The following ROBO2 variants were observed in gnomAD, a reference collection of about 807,000 sequenced individuals.
ROBO2 encodes the protein roundabout guidance receptor 2.
ROBO2 carries 53 observed loss-of-function variants against 160.8 expected under a neutral mutation model. The ratio of observed to expected loss-of-function variants is 0.33; its 90% confidence interval spans 0.26 to 0.41. ROBO2 has a LOEUF of 0.41. ROBO2 is among the 10% of genes least tolerant of loss of function. The pLI, the probability that ROBO2 is intolerant of heterozygous loss-of-function variation, is 1.00. For synonymous variants in ROBO2, 664 were observed against 611.7 expected (o/e 1.09, Z -1.26); for missense variants, 1,577 against 1,722.4 (o/e 0.92, Z 1.49).
chr3:76,087,931 G>A (rs188695164), intron 2 of ROBO2, among the ~76,000 whole-genome samples: 20 of 152,180 alleles, frequency 1.3e-4, no homozygotes, highest in African/African-American at 4.1e-4. Context: ...GACAAAGATT[G>A]TAAGAATGGA....
At position 77,239,944 on chromosome 3, in the gene ROBO2, G is replaced by A. The variant is rs984093874; in HGVS notation, c.388+141604G>A. On this transcript the variant is annotated intron_variant, in intron 2 of 25. Transcript: ENST00000461745. The stretch of plus-strand genomic sequence containing the variant: ...CCAGGAATCCCAAGCTAGACACAGA[G>A]TGCTGATTGGTGCATATACAATCCT... Among the ~76,000 whole-genome samples the A allele has an allele frequency of 3.3e-5, 5 of 152,290 alleles. No homozygotes were observed. The South Asian group carries it at 1.0e-3, about 32-fold the overall frequency.
chr3:77,363,522 C>T (rs1170355876), intron 2 of ROBO2, among the ~76,000 whole-genome samples: 1 of 152,112 alleles, frequency 6.6e-6, no homozygotes, highest in Non-Finnish European at 1.5e-5. Flanking sequence ...CAAGAGCCTT[C>T]AAAAATGAAG....
chr3:77,528,717 G>A (rs1022963924), intron 6 of ROBO2, among the ~76,000 whole-genome samples: 6 of 151,638 alleles, frequency 4.0e-5, no homozygotes, highest in Admixed American at 6.6e-5. Context: ...GGTAGCTATC[G>A]TATGCCTAGT....
intron 2 of ROBO2, among the ~76,000 whole-genome samples, chr3:77,135,408 A>T (rs935910461): frequency 3.3e-5 from 5 of 151,198 alleles, no homozygotes; most frequent in Non-Finnish European, 5.9e-5. Context: ...AATTTAATTA[A>T]TTTTTTTTTA....
At chr3:76,378,840 G>C (rs1305526204) in intron 2 of ROBO2, among the ~76,000 whole-genome samples, 2 of 152,156 alleles carry the variant, frequency 1.3e-5, no homozygotes, top group South Asian at 4.1e-4. Flanking sequence ...TGCTTGACAC[G>C]TTTAGGAACC....
intron 2 of ROBO2, among the ~76,000 whole-genome samples, chr3:76,712,449 C>T (rs1242439743): frequency 2.6e-5 from 4 of 151,986 alleles, no homozygotes; most frequent in African/African-American, 4.8e-5. Flanking sequence ...CCGAGGTGGG[C>T]GGATCACCTG....
At position 76,872,827 on chromosome 3, in the gene ROBO2, T is replaced by C. The variant is rs1042850287; in HGVS notation, c.110-225187T>C. 3.3e-5 allele frequency among the ~76,000 whole-genome samples: 5 copies of C among 152,176 alleles called. No individual in the cohort carries two copies. The South Asian group carries it at 1.0e-3, about 32-fold the overall frequency. ...CTTTCTTTTGTTGCTTTCTTTGGCA[T>C]CTGTCCAGTATTTTATATTTATGTA... On this transcript the variant is annotated intron_variant, in intron 2 of 26. Transcript: ENST00000487694.
chr3:76,218,114 C>A (rs979148345), intron 2 of ROBO2, among the ~76,000 whole-genome samples: 1 of 152,120 alleles, frequency 6.6e-6, no homozygotes, highest in Non-Finnish European at 1.5e-5. Context: ...ATTCAACAGC[C>A]CTTCATGCTA....
chr3:77,192,720 A>G (rs2081970422), intron 2 of ROBO2, among the ~76,000 whole-genome samples: 1 of 133,220 alleles, frequency 7.5e-6, no homozygotes, highest in African/African-American at 3.0e-5. Context: ...ATCTTGGCTC[A>G]CTGCAACCTC....
intron 2 of ROBO2, among the ~76,000 whole-genome samples, chr3:76,436,175 C>CACACACACACACACACACAA (rs1266592543): frequency 1.3e-5 from 2 of 151,738 alleles, no homozygotes; most frequent in African/African-American, 4.9e-5. Flanking sequence ...CACACACACA[C>CACACACACACACACACACAA]ACACACCATT....
At position 77,095,398 on chromosome 3, in the gene ROBO2, G is replaced by A. The variant is rs1488967391; in HGVS notation, c.62-2616G>A. Among the ~76,000 whole-genome samples, 4 of 151,954 alleles carry A rather than the reference G, an allele frequency of 2.6e-5. No individual in the cohort carries two copies. In the East Asian group the frequency reaches 5.8e-4, roughly 22 times the overall value. ...AATCAATTATTTTATATTTTATTTA[G>A]TAAGTATTAGCATATTTCAGGTCTT... is the stretch of plus-strand genomic sequence containing the variant. On this transcript the variant is annotated intron_variant, in intron 1 of 25. Transcript: ENST00000461745.
intron 2 of ROBO2, among the ~76,000 whole-genome samples, chr3:76,807,153 T>C (rs1222081552): frequency 6.6e-6 from 1 of 152,086 alleles, no homozygotes; most frequent in African/African-American, 2.4e-5. Context: ...TTATATACTG[T>C]CATTCAGAGA....
intron 2 of ROBO2, among the ~76,000 whole-genome samples, chr3:76,374,944 T>C (rs1009711451): frequency 2.1e-4 from 31 of 151,036 alleles, no homozygotes; most frequent in African/African-American, 6.1e-4. Context: ...TCTTCTTCTT[T>C]TTTTTTTTTT....
intron 2 of ROBO2, among the ~76,000 whole-genome samples, chr3:77,244,149 G>T (rs191130097): frequency 1.3e-5 from 2 of 152,250 alleles, no homozygotes; most frequent in South Asian, 2.1e-4. Flanking sequence ...TACATAAAAG[G>T]CCTCAGGCTA....
intron 2 of ROBO2, among the ~76,000 whole-genome samples, chr3:76,223,401 G>A (rs1157290511): frequency 6.6e-6 from 1 of 151,862 alleles, no homozygotes; most frequent in East Asian, 2.0e-4. Flanking sequence ...GGGTAGGGAG[G>A]CCACTTTCAC....
chr3:77,295,002 G>A (rs904470571), intron 2 of ROBO2, among the ~76,000 whole-genome samples: 2 of 151,400 alleles, frequency 1.3e-5, no homozygotes, highest in Admixed American at 6.6e-5. Context: ...ACGGTTAAAC[G>A]GATAAGCTGA....
intron 2 of ROBO2, among the ~76,000 whole-genome samples, chr3:76,468,326 A>G (rs982950461): frequency 2.0e-5 from 3 of 152,140 alleles, no homozygotes; most frequent in African/African-American, 7.2e-5. Context: ...CTTTATATGG[A>G]CACTGGCAAT....
At chr3:76,886,205 T>A (rs937982842) in intron 2 of ROBO2, among the ~76,000 whole-genome samples, 1 of 151,952 alleles carries the variant, frequency 6.6e-6, no homozygotes, top group African/African-American at 2.4e-5. Flanking sequence ...GCACATAAAC[T>A]TTTTCTTGAG....
intron 2 of ROBO2, among the ~76,000 whole-genome samples, chr3:76,513,667 T>C (rs1195500155): frequency 6.6e-6 from 1 of 152,228 alleles, no homozygotes; most frequent in Non-Finnish European, 1.5e-5. Context: ...TTTAATTTTG[T>C]CTTAAATAGT....
Sources: allele counts gnomAD v4.1 joint callset (sites outside exome capture counted in the v4.1 genomes callset), GRCh38; gene constraint gnomAD v4.1.1; transcripts MANE v1.5; gene names NCBI Gene and HGNC (gene_info 2026-07-23, HGNC 2026-07-21).